The following IGF1R variants were observed in gnomAD, a reference collection of about 807,000 sequenced individuals.
IGF1R encodes the protein insulin-like growth factor 1 receptor.
Under a neutral mutation model 144.6 loss-of-function variants are expected in IGF1R, and 44 were observed. That is an observed-to-expected ratio of 0.30 (90% CI 0.24 to 0.39). The LOEUF is 0.39. IGF1R is among the 10% of genes least tolerant of loss of function. IGF1R has a pLI of 1.00. For synonymous variants in IGF1R, 795 were observed against 722.8 expected, an observed-to-expected ratio of 1.10 and a Z score of -1.60; for missense variants, 1,355 against 1,833.7, an observed-to-expected ratio of 0.74 and a Z score of 4.77.
At chr15:98,690,423 C>G (rs770544197) in intron 1 of IGF1R, among the ~76,000 whole-genome samples, 2 of 152,216 alleles carry the variant, frequency 1.3e-5, no homozygotes, top group Non-Finnish European at 2.9e-5. Flanking sequence ...CTCCTCCTCT[C>G]CTCTGACTCT....
chr15:98,706,589 TAAA>T (rs35701132), intron 1 of IGF1R, among the ~76,000 whole-genome samples: 1 of 147,570 alleles, frequency 6.8e-6, no homozygotes, highest in African/African-American at 2.5e-5. Flanking sequence ...AGGGATTGGT[TAAA>T]AAAAAAAAAC....
intron 1 of IGF1R, among the ~76,000 whole-genome samples, chr15:98,674,569 A>T (rs2052982978): frequency 6.6e-6 from 1 of 152,214 alleles, no homozygotes; most frequent in African/African-American, 2.4e-5. Context: ...GTTTAAAAAT[A>T]ACGTGCAGCT....
intron 9 of IGF1R, 99 bp downstream of exon 9, chr15:98,916,230 T>C: frequency 8.5e-7 from 1 of 1,170,098 alleles, no homozygotes; most frequent in Non-Finnish European, 1.2e-6. Context: ...GACAACAGTG[T>C]AGTTCTCCAT....
chr15:98,755,055 T>C (rs899274656), intron 2 of IGF1R, among the ~76,000 whole-genome samples: 1 of 152,252 alleles, frequency 6.6e-6, no homozygotes, highest in Non-Finnish European at 1.5e-5. Flanking sequence ...GTGATGCTAG[T>C]GTAAAATAAA....
At chr15:98,955,911 A>C (rs2016961162) in intron 20 of IGF1R, among the ~76,000 whole-genome samples, 1 of 152,230 alleles carries the variant, frequency 6.6e-6, no homozygotes, top group Non-Finnish European at 1.5e-5. Context: ...AGAATTTTAA[A>C]ATAAAGAGGA....
At chr15:98,710,728 G>A (rs530116580) in intron 2 of IGF1R, among the ~76,000 whole-genome samples, 24 of 149,650 alleles carry the variant, frequency 1.6e-4, no homozygotes, top group African/African-American at 5.4e-4. Context: ...GTGCAGCGGC[G>A]CGATCTCGGC....
intron 2 of IGF1R, among the ~76,000 whole-genome samples, chr15:98,810,237 T>C (rs2056557288): frequency 6.6e-6 from 1 of 152,214 alleles, no homozygotes; most frequent in Non-Finnish European, 1.5e-5. Context: ...GGTCCGTAGC[T>C]GTGCTGGTGG....
intron 1 of IGF1R, among the ~76,000 whole-genome samples, chr15:98,689,229 C>T (rs1040097263): frequency 2.0e-5 from 3 of 147,322 alleles, no homozygotes; most frequent in African/African-American, 7.5e-5. Flanking sequence ...TGGACAGTTG[C>T]ACTACTTTTT....
At chr15:98,819,362 C>G (rs2056760751) in intron 2 of IGF1R, among the ~76,000 whole-genome samples, 1 of 152,148 alleles carries the variant, frequency 6.6e-6, no homozygotes, top group African/African-American at 2.4e-5. Flanking sequence ...AACCTAATCA[C>G]CATGTGATGA....
intron 2 of IGF1R, among the ~76,000 whole-genome samples, chr15:98,741,455 G>T (rs181255367): frequency 6.6e-6 from 1 of 152,132 alleles, no homozygotes; most frequent in East Asian, 1.9e-4. Flanking sequence ...GGTAGTGGGA[G>T]GCTGTGTATT....
chr15:98,667,228 A>C (rs115662864), intron 1 of IGF1R, among the ~76,000 whole-genome samples: 1 of 152,198 alleles, frequency 6.6e-6, no homozygotes, highest in South Asian at 2.1e-4. Context: ...CAGCCATGTG[A>C]CGTGTAATTG....
At chr15:98,920,886 T>G (rs2015455842) in intron 10 of IGF1R, among the ~76,000 whole-genome samples, 1 of 152,120 alleles carries the variant, frequency 6.6e-6, no homozygotes, top group Admixed American at 6.5e-5. Flanking sequence ...AGCCCTCTGC[T>G]CTCCCCTTCC....
chr15:98,893,810 G>A (rs185949858), intron 3 of IGF1R, among the ~76,000 whole-genome samples: 324 of 152,244 alleles, frequency 2.1e-3, no homozygotes, highest in Non-Finnish European at 3.7e-3. Flanking sequence ...CTTACAGTCC[G>A]TTAAAAACTA....
At chr15:98,872,429 A>G (rs2012831325) in intron 2 of IGF1R, among the ~76,000 whole-genome samples, 1 of 152,200 alleles carries the variant, frequency 6.6e-6, no homozygotes, top group South Asian at 2.1e-4. Context: ...GCGGGTCATA[A>G]TGCGAGACTG....
At chr15:98,835,644 A>G (rs1052972696) in intron 2 of IGF1R, among the ~76,000 whole-genome samples, 7 of 152,214 alleles carry the variant, frequency 4.6e-5, no homozygotes, top group South Asian at 2.1e-4. Flanking sequence ...ACCAAGTGAC[A>G]TTGATTTAGT....
rs138281411 is a variant in IGF1R, at chr15:98,804,721, T to C, written c.641-86604T>C. Among the ~76,000 whole-genome samples the C allele has an allele frequency of 4.5e-3, 687 of 152,338 alleles. 4 individuals carry two copies. Among genetic ancestry groups the C allele is most frequent in the African/African-American group, 0.016 (647 of 41,562 alleles). The stretch of plus-strand genomic sequence containing the variant: ...AGATACAGGGAGCTGCAGATAATTA[T>C]TGTTTTTTAAGATGGAGTTTCGCTG... On this transcript the variant is annotated intron_variant, in intron 2 of 20. Coordinates refer to ENST00000650285, the MANE Select transcript of IGF1R (RefSeq NM_000875.5).
At chr15:98,740,271 C>T (rs2054707801) in intron 2 of IGF1R, among the ~76,000 whole-genome samples, 1 of 152,174 alleles carries the variant, frequency 6.6e-6, no homozygotes, top group Non-Finnish European at 1.5e-5. Context: ...TCCACTGTGC[C>T]ACTCTTGGGG....
intron 2 of IGF1R, among the ~76,000 whole-genome samples, chr15:98,852,349 GC>G (rs1165323236): frequency 6.6e-6 from 1 of 152,168 alleles, no homozygotes; most frequent in Non-Finnish European, 1.5e-5. Flanking sequence ...GGCACCCCGC[GC>G]CCGCGCCGCC....
rs528729961 is a variant in IGF1R, at chr15:98,940,484, A to G, written c.3457+1124A>G. On this transcript the variant is annotated intron_variant, in intron 18 of 20. Transcript: ENST00000650285. ...AGTGGCACAATCTTGGCTCACCACA[A>G]CCTCCACCTCCCAGGTTCAAGTGAT... 2.0e-5 allele frequency among the ~76,000 whole-genome samples: 3 copies of G among 152,074 alleles called. No homozygotes were observed. The East Asian group carries it at 5.8e-4, about 29-fold the overall frequency.
Sources: allele counts gnomAD v4.1 joint callset (sites outside exome capture counted in the v4.1 genomes callset), GRCh38; gene constraint gnomAD v4.1.1; transcripts MANE v1.5; gene names NCBI Gene and HGNC (gene_info 2026-07-23, HGNC 2026-07-21).